PRKD1: variants seen among roughly 807,000 people sequenced by gnomAD.
The protein encoded by PRKD1 is serine/threonine-protein kinase D1.
Under a neutral mutation model 95.9 loss-of-function variants are expected in PRKD1, and 63 were observed. The observed-to-expected ratio is 0.66, with a 90% CI of 0.54 to 0.81. The LOEUF (loss-of-function observed/expected upper bound fraction) is 0.81, where lower values mean the gene tolerates loss of function less well. PRKD1 is among the 30% of genes least tolerant of loss of function. The pLI is 0.00. For synonymous variants in PRKD1, 425 were observed against 423.1 expected, an observed-to-expected ratio of 1.00 and a Z score of -0.05; for missense variants, 1,048 against 1,165.3, an observed-to-expected ratio of 0.90 and a Z score of 1.47.
Position 29,632,913 on chromosome 14 carries a change from A to C in PRKD1, c.1348T>G (p.Cys450Gly). Residue 450 changes from cysteine (C) to glycine (G), a missense_variant, in exon 9 of 18, where the codon TGT becomes GGT. Cys to Gly is a radical substitution (Grantham distance 159). Coordinates refer to ENST00000331968, the MANE Select transcript of PRKD1 (RefSeq NM_002742.3). Reference protein sequence around the residue: ...KRHYWRLDSKCITLFQNDTGS... With the variant: ...KRHYWRLDSKGITLFQNDTGS... ...GTGTCATTCTGAAAGAGGGTAATAC[A>C]TTTGCTATCCAATCTCCAATAGTGC... 9.3e-6 allele frequency: 15 copies of C among 1,613,832 alleles called. No homozygotes were observed. Among genetic ancestry groups the C allele is most frequent in the Non-Finnish European group, 1.2e-5 (14 of 1,179,748 alleles).
At chr14:29,743,513 A>G (rs1887076139) in intron 1 of PRKD1, among the ~76,000 whole-genome samples, 1 of 152,194 alleles carries the variant, frequency 6.6e-6, no homozygotes, top group Admixed American at 6.5e-5. Flanking sequence ...ATAGAACATA[A>G]AATTCACTAG....
At chr14:29,753,133 G>A (rs1184910160) in intron 1 of PRKD1, among the ~76,000 whole-genome samples, 1 of 152,150 alleles carries the variant, frequency 6.6e-6, no homozygotes, top group African/African-American at 2.4e-5. Context: ...ACCAAGAAAT[G>A]TGAATGATGG....
chr14:29,891,205 T>C (rs774764284), intron 1 of PRKD1, among the ~76,000 whole-genome samples: 10 of 152,294 alleles, frequency 6.6e-5, no homozygotes, highest in South Asian at 4.1e-4. Flanking sequence ...TAAAGTAGTA[T>C]AATTTTCACT....
At chr14:29,636,603 G>T in intron 6 of PRKD1, 109 bp from the exon 7 acceptor site, 1 of 1,038,350 alleles carries the variant, frequency 9.6e-7, no homozygotes, top group Non-Finnish European at 1.4e-6. Flanking sequence ...CAAAGAGGTA[G>T]TTCTGTGATG....
chr14:29,780,433 A>G (rs1483187721), intron 1 of PRKD1, among the ~76,000 whole-genome samples: 1 of 152,222 alleles, frequency 6.6e-6, no homozygotes, highest in Non-Finnish European at 1.5e-5. Flanking sequence ...AACTTAAACA[A>G]ATTTACAAGA....
rs564635173 is a variant in PRKD1, at chr14:29,920,444, A to G, written c.264+6805T>C. ...AGCAAACAAATATAAAAACAAAGCA[A>G]GGAAGGAAACTTCATGTTACCATCA... On this transcript the variant is annotated intron_variant, in intron 1 of 17. Transcript: ENST00000331968. 5.1e-4 allele frequency among the ~76,000 whole-genome samples: 78 copies of G among 152,304 alleles called. 1 individual carries two copies. The highest frequency in any genetic ancestry group is 1.9e-3 in the African/African-American group (77 of 41,572).
At chr14:29,885,872 CAGG>C (rs1221564627) in intron 1 of PRKD1, among the ~76,000 whole-genome samples, 2 of 147,086 alleles carry the variant, frequency 1.4e-5, no homozygotes, top group Non-Finnish European at 3.0e-5. Context: ...GAAGCTGAGG[CAGG>C]AGAATTGCTT....
intron 1 of PRKD1, among the ~76,000 whole-genome samples, chr14:29,869,099 G>C (rs1019210994): frequency 1.1e-4 from 17 of 152,102 alleles, no homozygotes; most frequent in African/African-American, 4.1e-4. Flanking sequence ...CAAACATCAA[G>C]CATACAAAGA....
At chr14:29,666,685 T>C (rs558438691) in intron 2 of PRKD1, among the ~76,000 whole-genome samples, 8 of 152,092 alleles carry the variant, frequency 5.3e-5, no homozygotes, top group Admixed American at 1.3e-4. Context: ...AGTTGAAAGA[T>C]AGATATAAAA....
In PRKD1 at chr14:29,666,060, G is replaced by T. The variant is rs768250308; in HGVS notation, c.535+17C>A. The T allele has an allele frequency of 6.4e-7, 1 of 1,574,234 alleles. No homozygotes were observed. The highest frequency in any genetic ancestry group is 1.2e-5 in the South Asian group (1 of 85,072). On this transcript the variant is annotated intron_variant, in intron 3 of 17. Coordinates refer to ENST00000331968, the MANE Select transcript of PRKD1 (RefSeq NM_002742.3). ...GAACAGCACACATTTAACTTGCATGGGAAGAAAATAACTTACCTTCACATT... is the reference window on the plus strand; with the variant it reads ...GAACAGCACACATTTAACTTGCATGTGAAGAAAATAACTTACCTTCACATT...
At chr14:29,710,303 C>T (rs1266357752) in intron 2 of PRKD1, among the ~76,000 whole-genome samples, 2 of 151,960 alleles carry the variant, frequency 1.3e-5, no homozygotes, top group Non-Finnish European at 2.9e-5. Flanking sequence ...AGTGGAGAAA[C>T]CTGACAAACA....
At chr14:29,900,809 A>G (rs745984870) in intron 1 of PRKD1, among the ~76,000 whole-genome samples, 2 of 152,144 alleles carry the variant, frequency 1.3e-5, no homozygotes, top group Admixed American at 6.6e-5. Context: ...TCAGTTGGCT[A>G]AAATAACAAC....
At chr14:29,916,566 T>C (rs1342404026) in intron 1 of PRKD1, among the ~76,000 whole-genome samples, 1 of 152,204 alleles carries the variant, frequency 6.6e-6, no homozygotes, top group Non-Finnish European at 1.5e-5. Context: ...CAAGTGGTCA[T>C]AACCTCTAGT....
At chr14:29,637,314 T>G (rs1233220963) in intron 6 of PRKD1, among the ~76,000 whole-genome samples, 1 of 152,180 alleles carries the variant, frequency 6.6e-6, no homozygotes, top group Non-Finnish European at 1.5e-5. Context: ...ATAAGACATT[T>G]GATATTTGAA....
chr14:29,927,203 C>T, intron 1 of PRKD1, 46 bp downstream of exon 1: 3 of 1,450,510 alleles, frequency 2.1e-6, no homozygotes, highest in Non-Finnish European at 2.7e-6. Flanking sequence ...GCAGCGCCCC[C>T]TGCGCCGCGG....
At chr14:29,828,678 T>C (rs1891289868) in intron 1 of PRKD1, among the ~76,000 whole-genome samples, 1 of 152,160 alleles carries the variant, frequency 6.6e-6, no homozygotes, top group African/African-American at 2.4e-5. Context: ...AATGCATACA[T>C]ACATGTACTT....
intron 1 of PRKD1, among the ~76,000 whole-genome samples, chr14:29,923,227 CAA>C (rs33966435): frequency 0.22 from 19,502 of 88,532 alleles, 1,572 homozygotes; most frequent in East Asian, 0.36. Flanking sequence ...GAGATTCTGT[CAA>C]AAAAAAAAAA....
chr14:29,819,769 T>G (rs1426921090), intron 1 of PRKD1, among the ~76,000 whole-genome samples: 1 of 152,186 alleles, frequency 6.6e-6, no homozygotes. Flanking sequence ...TAGATGAATC[T>G]AGGTAAAAGC....
At chr14:29,901,997 T>A (rs1894336894) in intron 1 of PRKD1, among the ~76,000 whole-genome samples, 1 of 152,214 alleles carries the variant, frequency 6.6e-6, no homozygotes, top group Non-Finnish European at 1.5e-5. Context: ...GGACAATAAC[T>A]TGAGTCTTCT....
Sources: gnomAD v4.1 joint callset for allele counts (sites outside exome capture counted in the v4.1 genomes callset) on GRCh38, gnomAD v4.1.1 for gene constraint, MANE v1.5 for transcripts, NCBI Gene and HGNC (gene_info 2026-07-23, HGNC 2026-07-21) for gene names.